The following ASTN1 variants were observed in gnomAD, a reference collection of about 807,000 sequenced individuals.
The protein encoded by ASTN1 is astrotactin 1, also known as astrotactin-1.
Under a neutral mutation model 140.7 loss-of-function variants are expected in ASTN1, and 41 were observed. The observed-to-expected ratio is 0.29, with a 90% CI of 0.23 to 0.38. The LOEUF is 0.38. Among genes scored for constraint, ASTN1 ranks in the 10% least tolerant of loss-of-function variants. The pLI, the probability that ASTN1 is intolerant of heterozygous loss-of-function variation, is 1.00. For synonymous variants in ASTN1, 640 were observed against 652.2 expected (o/e 0.98, Z 0.29); for missense variants, 1,479 against 1,678.8 (o/e 0.88, Z 2.08).
intron 11 of ASTN1, among the ~76,000 whole-genome samples, chr1:176,951,278 A>C (rs538031342): frequency 6.6e-6 from 1 of 152,330 alleles, no homozygotes; most frequent in Non-Finnish European, 1.5e-5. Context: ...CCTCCCACTA[A>C]TCATATTCCT....
At chr1:176,975,676 C>T (rs764085196) in intron 8 of ASTN1, among the ~76,000 whole-genome samples, 1 of 152,170 alleles carries the variant, frequency 6.6e-6, no homozygotes, top group Non-Finnish European at 1.5e-5. Flanking sequence ...TAAATATTCT[C>T]TCATTAGAAT....
At chr1:176,932,163 A>T (rs1046863571) in intron 16 of ASTN1, among the ~76,000 whole-genome samples, 4 of 152,234 alleles carry the variant, frequency 2.6e-5, no homozygotes, top group Non-Finnish European at 1.5e-5. Flanking sequence ...CAGAAATAAG[A>T]AACAGAGAAA....
intron 16 of ASTN1, among the ~76,000 whole-genome samples, chr1:176,903,396 C>T (rs954047432): frequency 6.6e-6 from 1 of 152,006 alleles, no homozygotes; most frequent in African/African-American, 2.4e-5. Flanking sequence ...CAGAGGAGCC[C>T]GGACCTCGCT....
At position 176,958,472 on chromosome 1, in the gene ASTN1, T is replaced by G. The variant is rs767420652; in HGVS notation, c.1609A>C (p.Thr537Pro). The change falls in exon 10 of 23, where the codon ACT becomes CCT. Residue 537 changes from threonine to proline, a missense_variant. Physicochemically the swap from Thr to Pro is conservative, Grantham distance 38. Coordinates refer to ENST00000361833, the MANE Select transcript of ASTN1 (RefSeq NM_004319.3). The part of the protein sequence containing the change: ...PSDKIFRFTY[T>P]LGEGMWLPLS... ...GGCAACCACATGCCCTCCCCAAGAG[T>G]GTAGGTGAATCTGCAGGGACACCCA... 1 of 1,611,190 alleles carries G rather than the reference T, an allele frequency of 6.2e-7. No individual in the cohort carries two copies. The highest frequency in any genetic ancestry group is 1.1e-5 in the South Asian group (1 of 90,436).
At chr1:176,984,007 T>C (rs1673761364) in intron 8 of ASTN1, among the ~76,000 whole-genome samples, 2 of 152,192 alleles carry the variant, frequency 1.3e-5, no homozygotes. Context: ...CCTAATCCAT[T>C]CTGTCAAGCC....
Position 177,061,249 on chromosome 1 carries a change from T to C in ASTN1, c.300A>G (p.Thr100=). Residue 100 remains threonine (T), a synonymous_variant, in exon 2 of 23, where the codon ACA becomes ACG. Coordinates refer to ENST00000361833, the MANE Select transcript of ASTN1 (RefSeq NM_004319.3). Reference sequence around the variant, plus strand: ...TCCAGCGCACCAAAGGGATATCCTCTGTGTTCCCTGAGATCTCTAGAAGAT... The same window carrying C: ...TCCAGCGCACCAAAGGGATATCCTCCGTGTTCCCTGAGATCTCTAGAAGAT... The part of the protein sequence containing the change: ...PYFVLEISGN[T]EDIPLVRWRQ... 1 of 1,559,456 alleles carries C rather than the reference T, an allele frequency of 6.4e-7. No homozygotes were observed. The highest frequency in any genetic ancestry group is 1.2e-5 in the South Asian group (1 of 81,896).
At chr1:176,981,229 A>C (rs1354240951) in intron 8 of ASTN1, among the ~76,000 whole-genome samples, 1 of 149,186 alleles carries the variant, frequency 6.7e-6, no homozygotes, top group Non-Finnish European at 1.5e-5. Context: ...AAAAAAAAAA[A>C]AAAAAAAAAA....
intron 8 of ASTN1, among the ~76,000 whole-genome samples, chr1:176,993,257 C>G (rs1674275879): frequency 6.6e-6 from 1 of 152,136 alleles, no homozygotes; most frequent in African/African-American, 2.4e-5. Context: ...AAACACAAAG[C>G]CAGAGAAGGT....
chr1:177,105,738 C>T (rs752094991), intron 1 of ASTN1, among the ~76,000 whole-genome samples: 7 of 152,038 alleles, frequency 4.6e-5, no homozygotes, highest in Non-Finnish European at 1.0e-4. Flanking sequence ...TATATTCTCG[C>T]TTTGTTCTCA....
chr1:176,981,593 C>T (rs897547609), intron 8 of ASTN1: 3 of 152,376 alleles, frequency 2.0e-5, no homozygotes, highest in Admixed American at 1.3e-4. Context: ...TGATGCATCT[C>T]CAAGCCAAGG....
At chr1:176,886,772 G>A (rs1326140429) in intron 18 of ASTN1, among the ~76,000 whole-genome samples, 2 of 152,206 alleles carry the variant, frequency 1.3e-5, no homozygotes, top group Admixed American at 1.3e-4. Flanking sequence ...GCTTTCCTAA[G>A]CGGTCTGTTG....
At chr1:177,090,424 A>G (rs947896226) in intron 1 of ASTN1, among the ~76,000 whole-genome samples, 2 of 152,152 alleles carry the variant, frequency 1.3e-5, no homozygotes, top group Non-Finnish European at 2.9e-5. Flanking sequence ...TTATACTGTG[A>G]GCTTCCTAAA....
chr1:177,117,136 T>G (rs1339991838), intron 1 of ASTN1, among the ~76,000 whole-genome samples: 1 of 151,708 alleles, frequency 6.6e-6, no homozygotes, highest in Non-Finnish European at 1.5e-5. Flanking sequence ...CCCCACCGAG[T>G]GGCACCTCCT....
chr1:177,157,006 C>G (rs1683266985), intron 1 of ASTN1, among the ~76,000 whole-genome samples: 1 of 152,150 alleles, frequency 6.6e-6, no homozygotes, highest in Non-Finnish European at 1.5e-5. Flanking sequence ...CAAAACAAGT[C>G]TGAGAAAGTG....
At chr1:176,917,185 C>T (rs1670523631) in intron 16 of ASTN1, among the ~76,000 whole-genome samples, 1 of 152,162 alleles carries the variant, frequency 6.6e-6, no homozygotes, top group Non-Finnish European at 1.5e-5. Flanking sequence ...ATTGTAATTT[C>T]TGGTTTCCTA....
intron 12 of ASTN1, among the ~76,000 whole-genome samples, chr1:176,946,838 A>G (rs1488847059): frequency 6.6e-6 from 1 of 152,216 alleles, no homozygotes; most frequent in African/African-American, 2.4e-5. Context: ...ATGGGTCAGC[A>G]ACTCATAAGT....
chr1:176,994,757 T>C (rs191134660), intron 8 of ASTN1, among the ~76,000 whole-genome samples: 4 of 152,280 alleles, frequency 2.6e-5, no homozygotes, highest in Non-Finnish European at 4.4e-5. Context: ...TGGATAATGA[T>C]AGTTCATATT....
At chr1:177,144,796 A>T (rs940371717) in intron 1 of ASTN1, among the ~76,000 whole-genome samples, 1 of 152,052 alleles carries the variant, frequency 6.6e-6, no homozygotes, top group Non-Finnish European at 1.5e-5. Flanking sequence ...CTAGCATCCC[A>T]GTCTGCTGCA....
rs762521350 is a variant in ASTN1, at chr1:176,894,529, G to A, written c.2940+33C>T. On this transcript the variant is annotated intron_variant, in intron 17 of 22. Transcript: ENST00000361833. ...TGGAAAGCCTTCTGTTGTGGTTGAC[G>A]CCTCCCAGAGCCAAGAGTCCCAGGC... 36 of 1,604,802 alleles carry A rather than the reference G, an allele frequency of 2.2e-5. No homozygotes were observed. In the East Asian group the frequency reaches 5.6e-4, roughly 25 times the overall value.
Sources: gnomAD v4.1 joint callset for allele counts (sites outside exome capture counted in the v4.1 genomes callset) on GRCh38, gnomAD v4.1.1 for gene constraint, MANE v1.5 for transcripts, NCBI Gene and HGNC (gene_info 2026-07-23, HGNC 2026-07-21) for gene names.